FANCD2: variants seen among roughly 807,000 people sequenced by gnomAD.
The protein encoded by FANCD2 is FA complementation group D2, also known as Fanconi anemia group D2 protein.
A neutral mutation model predicts 192.3 loss-of-function variants in FANCD2; 131 were observed. The ratio of observed to expected loss-of-function variants is 0.68; its 90% CI spans 0.59 to 0.79. The LOEUF is 0.79. Ranked by LOEUF, FANCD2 falls within the 30% of genes least tolerant of loss-of-function variation. The probability of loss-of-function intolerance (pLI) is 0.00; values close to 1 mark genes in which losing one functional copy is unlikely to be tolerated. For synonymous variants in FANCD2, 524 were observed against 612.5 expected, an observed-to-expected ratio of 0.86 and a Z score of 2.13; for missense variants, 1,508 against 1,701.6, an observed-to-expected ratio of 0.89 and a Z score of 2.00.
chr3:10,033,271 T>C (rs2086646990), intron 3 of FANCD2, among the ~76,000 whole-genome samples: 1 of 152,084 alleles, frequency 6.6e-6, no homozygotes, highest in African/African-American at 2.4e-5. Context: ...CATGGTGGCA[T>C]GTGCCTGTAG....
chr3:10,082,589 C>T lies in FANCD2; in HGVS notation c.3224+1125C>T, dbSNP rs371618992. Among the ~76,000 whole-genome samples, 7 of 152,132 alleles carry T rather than the reference C, an allele frequency of 4.6e-5. No individual in the cohort carries two copies. In the East Asian group the frequency reaches 9.7e-4, roughly 21 times the overall value. Reference sequence around the variant, plus strand: ...AGCCTCACTGAATTAATTTGAGCACCCTATATAGCTTTTACGTGGGAGGCT... The same window carrying T: ...AGCCTCACTGAATTAATTTGAGCACTCTATATAGCTTTTACGTGGGAGGCT... On this transcript the variant is annotated intron_variant, in intron 32 of 43. Coordinates refer to ENST00000675286, the MANE Select transcript of FANCD2 (RefSeq NM_001018115.3).
At chr3:10,042,185 C>T (rs1014937542) in intron 10 of FANCD2, among the ~76,000 whole-genome samples, 1 of 152,022 alleles carries the variant, frequency 6.6e-6, no homozygotes, top group Admixed American at 6.6e-5. Context: ...CTTGAGCCAC[C>T]GTGCCTGGCC....
chr3:10,094,176 T>G (rs565387152), intron 39 of FANCD2, 113 bp from the exon 40 acceptor site: 2 of 786,938 alleles, frequency 2.5e-6, no homozygotes, highest in East Asian at 5.1e-5. Context: ...AATTTGTTTT[T>G]TATATATATA....
intron 34 of FANCD2, among the ~76,000 whole-genome samples, chr3:10,087,869 G>C (rs6808853): frequency 4.0e-5 from 6 of 151,754 alleles, no homozygotes; most frequent in African/African-American, 4.8e-5. Context: ...GGCTGGTCTC[G>C]AACTCCTGAC....
chr3:10,047,287 G>A (rs2087049255), intron 15 of FANCD2, among the ~76,000 whole-genome samples: 1 of 152,282 alleles, frequency 6.6e-6, no homozygotes, highest in African/African-American at 2.4e-5. Context: ...AATTATACAT[G>A]TTTTGGGCTG....
At chr3:10,062,344 G>C in intron 20 of FANCD2, 133 bp downstream of exon 20, 1 of 700,452 alleles carries the variant, frequency 1.4e-6, no homozygotes, top group South Asian at 1.6e-5. Context: ...AGGTTCAAGT[G>C]ATTCTCCTGC....
Position 10,066,864 on chromosome 3 carries a change from A to G in FANCD2, c.2386-345A>G, listed in dbSNP as rs1385998131. 1.1e-4 allele frequency among the ~76,000 whole-genome samples: 16 copies of G among 152,100 alleles called. No individual in the cohort carries two copies. The East Asian group carries it at 2.7e-3, about 26-fold the overall frequency. On this transcript the variant is annotated intron_variant, in intron 25 of 43. Transcript: ENST00000675286. ...TTCAGCCTCCCTAGTAGCTGGGATT[A>G]CAGATGTGTGCCACCATGCCCAGCT...
At chr3:10,094,765 G>C (rs900024260) in intron 40 of FANCD2, 2 of 315,914 alleles carry the variant, frequency 6.3e-6, no homozygotes, top group Admixed American at 9.2e-5. Context: ...GAACAGTCTT[G>C]ACAGTTTTTT....
Position 10,101,376 on chromosome 3 carries a change from T to TA in FANCD2, c.*114_*115insA. The TA allele has an allele frequency of 7.8e-6, 4 of 514,654 alleles. No individual in the cohort carries two copies. The highest frequency in any genetic ancestry group is 1.4e-5 in the Non-Finnish European group (4 of 288,472). 31.9% of individuals were successfully genotyped at this position (514,654 alleles called of 1,614,324 possible). The stretch of plus-strand genomic sequence containing the variant: ...TACTGGTAGGATCCTTTTTTGTTCC[T>TA]CTTTTTTTTTTTTTTTTTTTTTTTT... On this transcript the variant is annotated 3_prime_UTR_variant, in exon 44 of 44. Coordinates refer to ENST00000675286, the MANE Select transcript of FANCD2 (RefSeq NM_001018115.3).
intron 2 of FANCD2, among the ~76,000 whole-genome samples, chr3:10,029,729 C>T (rs1401300497): frequency 6.6e-6 from 1 of 152,166 alleles, no homozygotes; most frequent in Non-Finnish European, 1.5e-5. Flanking sequence ...CAATCCCTAA[C>T]CCCCCTTCCA....
At chr3:10,064,276 G>A (rs1472581768) in intron 21 of FANCD2, 80 bp from the exon 22 acceptor site, 2 of 960,054 alleles carry the variant, frequency 2.1e-6, no homozygotes, top group Non-Finnish European at 3.4e-6. Flanking sequence ...CTGAGACTTA[G>A]AAAGGTTAAG....
chr3:10,059,102 T>C (rs1490331290), intron 18 of FANCD2, among the ~76,000 whole-genome samples: 5 of 152,078 alleles, frequency 3.3e-5, no homozygotes, highest in African/African-American at 4.8e-5. Context: ...TGTTCTTGAC[T>C]TCCCAGGCTC....
In FANCD2 at chr3:10,074,598, G is replaced by A. The variant is rs2125050104; in HGVS notation, c.2784G>A (p.Leu928=). The part of the protein sequence containing the change: ...LHNSHAFFRE[L]DIEVFSILHC... ...ATTCCCATGCTTTTTTCCGAGAGCT[G>A]GACATTGAGGTCTTCTCTATTCTAC... is the stretch of plus-strand genomic sequence containing the variant. The change falls in exon 29 of 44, where the codon CTG becomes CTA. Residue 928 remains leucine (L), a synonymous_variant. Transcript: ENST00000675286. 2 of 1,613,576 alleles carry A rather than the reference G, an allele frequency of 1.2e-6. No individual in the cohort carries two copies. The highest frequency in any genetic ancestry group is 2.2e-5 in the South Asian group (2 of 91,062).
intron 19 of FANCD2, among the ~76,000 whole-genome samples, chr3:10,061,085 C>T (rs562133719): frequency 3.3e-5 from 5 of 152,326 alleles, no homozygotes; most frequent in African/African-American, 1.2e-4. Flanking sequence ...CTGCGCCCAA[C>T]TTAATCACCA....
In FANCD2 at chr3:10,032,863, A is replaced by G. The variant is rs1482516479; in HGVS notation, c.96A>G (p.Thr32=). 1 of 1,613,154 alleles carries G rather than the reference A, an allele frequency of 6.2e-7. No homozygotes were observed. The highest frequency in any genetic ancestry group is 8.5e-7 in the Non-Finnish European group (1 of 1,179,422). The change falls in exon 3 of 44, where the codon ACA becomes ACG. Residue 32 remains threonine (T), a synonymous_variant. Transcript: ENST00000675286. ...GGAAGCAACCACTTTCCAAAAAGAC[A>G]AAGAAATCTCATATTGCTAATGAAG... is the stretch of plus-strand genomic sequence containing the variant. The part of the protein sequence containing the change: ...KTRKQPLSKK[T]KKSHIANEVE...
At position 10,092,161 on chromosome 3, in the gene FANCD2, C is replaced by T. The variant is rs751107447; in HGVS notation, c.3778-20C>T. The stretch of plus-strand genomic sequence containing the variant: ...TATTTGGCTGTGACTCAGAGGTGCC[C>T]ATATATTTGGCTGCCCCAGATTCAT... On this transcript the variant is annotated intron_variant, in intron 37 of 43. Transcript: ENST00000675286. 2.4e-5 allele frequency: 38 copies of T among 1,587,584 alleles called. No homozygotes were observed. The highest frequency in any genetic ancestry group is 3.0e-5 in the Non-Finnish European group (35 of 1,155,962).
At chr3:10,068,452 A>G (rs1240410438) in intron 26 of FANCD2, among the ~76,000 whole-genome samples, 2 of 152,146 alleles carry the variant, frequency 1.3e-5, no homozygotes, top group Non-Finnish European at 2.9e-5. Flanking sequence ...GTGAAAGAGC[A>G]CTATAATGAG....
intron 19 of FANCD2, 27 bp downstream of exon 19, chr3:10,060,430 G>A (rs771173054): frequency 6.5e-7 from 1 of 1,546,486 alleles, no homozygotes; most frequent in Non-Finnish European, 8.9e-7. Flanking sequence ...TGACTTCTGT[G>A]GTTTAAGATC....
chr3:10,073,050 G>A (rs1693343028), intron 27 of FANCD2, 69 bp downstream of exon 27: 2 of 943,502 alleles, frequency 2.1e-6, no homozygotes, highest in African/African-American at 1.6e-5. Flanking sequence ...TAAAAGTTAT[G>A]TGTATCATGG....
Sources: allele counts gnomAD v4.1 joint callset (sites outside exome capture counted in the v4.1 genomes callset), GRCh38; gene constraint gnomAD v4.1.1; transcripts MANE v1.5; gene names NCBI Gene and HGNC (gene_info 2026-07-23, HGNC 2026-07-21).